WWOX: variants seen among roughly 807,000 people sequenced by gnomAD.
WWOX encodes the protein WW domain-containing oxidoreductase.
Under a neutral mutation model 46.2 loss-of-function variants are expected in WWOX, and 69 were observed. The observed-to-expected ratio is 1.49, with a 90% CI of 1.23 to 1.82. The LOEUF (loss-of-function observed/expected upper bound fraction) is 1.82. Ranked by LOEUF, WWOX falls within the 40% of genes most tolerant of loss-of-function variation. The probability of loss-of-function intolerance (pLI) is 0.00; values close to 1 mark genes in which losing one functional copy is unlikely to be tolerated. For synonymous variants in WWOX, 359 were observed against 202.6 expected (o/e 1.77, Z -6.56); for missense variants, 919 against 542.6 (o/e 1.69, Z -6.89).
chr16:78,100,101 C>G, intron 1 of WWOX: 1 of 1,375,408 alleles, frequency 7.3e-7, no homozygotes, highest in Non-Finnish European at 9.4e-7. Context: ...GGTGGCTTCC[C>G]GGCGCGCCCT....
chr16:79,163,695 G>C (rs1292597735), intron 8 of WWOX, among the ~76,000 whole-genome samples: 2 of 151,596 alleles, frequency 1.3e-5, no homozygotes, highest in Non-Finnish European at 2.9e-5. Flanking sequence ...CCACTTTTGA[G>C]GCTGAGGCAG....
chr16:78,766,057 G>T (rs2049918337), intron 8 of WWOX, among the ~76,000 whole-genome samples: 1 of 152,224 alleles, frequency 6.6e-6, no homozygotes, highest in African/African-American at 2.4e-5. Context: ...CAGATGACAT[G>T]AGCAGTTCCA....
chr16:78,463,741 GCTTA>G (rs1463657850), intron 8 of WWOX, among the ~76,000 whole-genome samples: 2 of 152,172 alleles, frequency 1.3e-5, no homozygotes, highest in African/African-American at 4.8e-5. Flanking sequence ...TAATTCTAAT[GCTTA>G]CTTCATCCCA....
At chr16:79,088,508 C>T (rs1361367232) in intron 8 of WWOX, among the ~76,000 whole-genome samples, 1 of 152,134 alleles carries the variant, frequency 6.6e-6, no homozygotes, top group Non-Finnish European at 1.5e-5. Context: ...CTTATCTGGG[C>T]CGCTGCAAAT....
chr16:78,676,180 C>G (rs900954068), intron 8 of WWOX, among the ~76,000 whole-genome samples: 1 of 151,826 alleles, frequency 6.6e-6, no homozygotes, highest in Non-Finnish European at 1.5e-5. Context: ...TTCTCTATAG[C>G]TTGCTGTCTT....
At position 78,634,674 on chromosome 16, in the gene WWOX, C is replaced by A. The variant is rs767535168; in HGVS notation, c.1056+201922C>A. 5.4e-4 allele frequency among the ~76,000 whole-genome samples: 81 copies of A among 150,188 alleles called. 1 individual carries two copies. Among genetic ancestry groups the A allele is most frequent in the Non-Finnish European group, 7.2e-4 (49 of 67,848 alleles). On this transcript the variant is annotated intron_variant, in intron 8 of 8. Coordinates refer to ENST00000566780, the MANE Select transcript of WWOX (RefSeq NM_016373.4). ...TGAGCCAAGATTGCGCCACTGCACT[C>A]CAGCCTGGGTGACAGAGCAAGACTC... is the stretch of plus-strand genomic sequence containing the variant.
At chr16:78,852,429 G>A (rs1268900271) in intron 8 of WWOX, among the ~76,000 whole-genome samples, 3 of 152,180 alleles carry the variant, frequency 2.0e-5, no homozygotes, top group African/African-American at 7.2e-5. Context: ...ACAGCACCAT[G>A]GGGAGATCCG....
intron 8 of WWOX, among the ~76,000 whole-genome samples, chr16:78,763,163 G>C (rs1174382187): frequency 6.6e-6 from 1 of 152,188 alleles, no homozygotes; most frequent in Non-Finnish European, 1.5e-5. Flanking sequence ...ACAGTCAAGG[G>C]CCAGAAAACC....
At chr16:79,039,497 G>A (rs115707351) in intron 8 of WWOX, among the ~76,000 whole-genome samples, 1,885 of 152,266 alleles carry the variant, frequency 0.012, 39 homozygotes, top group African/African-American at 0.042. Flanking sequence ...CATCGTAAAG[G>A]CTGATTAGAA....
At chr16:79,163,198 G>C (rs529992777) in intron 8 of WWOX, among the ~76,000 whole-genome samples, 1 of 152,276 alleles carries the variant, frequency 6.6e-6, no homozygotes, top group East Asian at 1.9e-4. Context: ...AGGAGGGAGA[G>C]ATTGGGAGGA....
intron 5 of WWOX, among the ~76,000 whole-genome samples, chr16:78,291,068 T>C (rs2079849590): frequency 6.6e-6 from 1 of 152,214 alleles, no homozygotes. Flanking sequence ...GTTTACACAG[T>C]GCACTTTCTC....
At chr16:78,887,992 C>G (rs565241464) in intron 8 of WWOX, among the ~76,000 whole-genome samples, 1 of 152,282 alleles carries the variant, frequency 6.6e-6, no homozygotes, top group South Asian at 2.1e-4. Flanking sequence ...GACATGACAT[C>G]CCACATTGGA....
At chr16:78,370,544 G>T (rs2081651844) in intron 5 of WWOX, among the ~76,000 whole-genome samples, 1 of 149,160 alleles carries the variant, frequency 6.7e-6, no homozygotes. Context: ...CTATTCTTCT[G>T]TTCTGTTCTT....
At chr16:78,487,442 C>T (rs2667579) in intron 8 of WWOX, among the ~76,000 whole-genome samples, 45,274 of 151,988 alleles carry the variant, frequency 0.3, 9,270 homozygotes, top group African/African-American at 0.59. Context: ...GAGTCTCTTA[C>T]TAATGTTCCG....
At chr16:78,969,895 T>G (rs2046437714) in intron 8 of WWOX, among the ~76,000 whole-genome samples, 2 of 152,176 alleles carry the variant, frequency 1.3e-5, no homozygotes, top group Admixed American at 6.5e-5. Flanking sequence ...GCAGGATTCC[T>G]TCTAAAGCAA....
intron 4 of WWOX, among the ~76,000 whole-genome samples, chr16:78,155,866 A>G (rs1426784179): frequency 6.6e-6 from 1 of 152,186 alleles, no homozygotes; most frequent in Non-Finnish European, 1.5e-5. Flanking sequence ...TTTATCCAGG[A>G]CTTTAACAGT....
At chr16:79,052,989 T>A in intron 8 of WWOX, among the ~76,000 whole-genome samples, 4 of 42,062 alleles carry the variant, frequency 9.5e-5, no homozygotes, top group African/African-American at 9.5e-5. Flanking sequence ...GGGGGGTGGG[T>A]GGAGGGTCAG....
chr16:78,433,274 C>G (rs552491033), intron 8 of WWOX, among the ~76,000 whole-genome samples: 3 of 152,048 alleles, frequency 2.0e-5, no homozygotes, highest in Admixed American at 6.5e-5. Context: ...GTGTTTTCTT[C>G]TTTACTTTCC....
chr16:78,617,068 A>G (rs572336710), intron 8 of WWOX, among the ~76,000 whole-genome samples: 1 of 152,204 alleles, frequency 6.6e-6, no homozygotes, highest in Non-Finnish European at 1.5e-5. Context: ...CCAGAAAAAT[A>G]GCTTGGACAT....
Sources: allele counts gnomAD v4.1 joint callset (sites outside exome capture counted in the v4.1 genomes callset), GRCh38; gene constraint gnomAD v4.1.1; transcripts MANE v1.5; gene names NCBI Gene and HGNC (gene_info 2026-07-23, HGNC 2026-07-21).